SLC2A9: variants seen among roughly 807,000 people sequenced by gnomAD.
SLC2A9 encodes solute carrier family 2 member 9.
Under a neutral mutation model 50.6 loss-of-function variants are expected in SLC2A9, and 39 were observed. That is an observed-to-expected ratio of 0.77 (90% confidence interval 0.60 to 1.01). The LOEUF is 1.01. Ranked by LOEUF, SLC2A9 falls within the 50% of genes least tolerant of loss-of-function variation. SLC2A9 has a pLI of 0.00. For synonymous variants in SLC2A9, 324 were observed against 276.9 expected, an observed-to-expected ratio of 1.17 and a Z score of -1.69; for missense variants, 686 against 677.6, an observed-to-expected ratio of 1.01 and a Z score of -0.14.
At chr4:9,964,945 C>G (rs1051613640) in intron 5 of SLC2A9, among the ~76,000 whole-genome samples, 2 of 152,152 alleles carry the variant, frequency 1.3e-5, no homozygotes, top group Admixed American at 1.3e-4. Flanking sequence ...TAATTATCAC[C>G]CCGCTCTGAG....
upstream of SLC2A9, chr4:10,025,848 C>T (rs575005391): frequency 2.6e-6 from 4 of 1,537,890 alleles, no homozygotes; most frequent in African/African-American, 2.7e-5. Context: ...AGGGGTACTA[C>T]CCCCTGGGTG....
chr4:9,936,975 G>C (rs556863432), intron 6 of SLC2A9, among the ~76,000 whole-genome samples: 92 of 152,320 alleles, frequency 6.0e-4, no homozygotes, highest in Non-Finnish European at 1.1e-3. Flanking sequence ...GGGATGCTCT[G>C]AATGGTAAAG....
At chr4:9,819,117 A>G (rs867179361) in intron 3 of SLC2A9, among the ~76,000 whole-genome samples, 28 of 81,540 alleles carry the variant, frequency 3.4e-4, no homozygotes, top group Middle Eastern at 5.5e-3. Flanking sequence ...AGACTGTCTC[A>G]AAAAAAAAAA....
At chr4:9,806,651 C>T (rs181312558) in intron 3 of SLC2A9, among the ~76,000 whole-genome samples, 2 of 152,262 alleles carry the variant, frequency 1.3e-5, no homozygotes, top group African/African-American at 2.4e-5. Flanking sequence ...GAGCCCTCCC[C>T]TTGGAATAAA....
At chr4:9,834,791 G>T in intron 11 of SLC2A9, 90 bp downstream of exon 11, 1 of 1,578,686 alleles carries the variant, frequency 6.3e-7, no homozygotes, top group Non-Finnish European at 8.7e-7. Context: ...GTTGAGAGGA[G>T]AGAGATCAAC....
intron 3 of SLC2A9, among the ~76,000 whole-genome samples, chr4:9,791,340 G>A (rs193268590): frequency 6.6e-6 from 1 of 152,324 alleles, no homozygotes; most frequent in Non-Finnish European, 1.5e-5. Flanking sequence ...ACCATTTAAT[G>A]CTAGGTGTAT....
chr4:9,811,508 G>C (rs1483853819), intron 3 of SLC2A9, among the ~76,000 whole-genome samples: 1 of 152,166 alleles, frequency 6.6e-6, no homozygotes, highest in South Asian at 2.1e-4. Flanking sequence ...ATTGAGAGAA[G>C]AGAAAGAGGG....
chr4:9,849,789 A>G (rs913136235), intron 10 of SLC2A9, among the ~76,000 whole-genome samples: 2 of 152,336 alleles, frequency 1.3e-5, no homozygotes, highest in East Asian at 3.9e-4. Context: ...TGGTGAGTTA[A>G]GCACACTCAG....
chr4:10,017,831 C>G (rs1025563366), intron 2 of SLC2A9, among the ~76,000 whole-genome samples: 10 of 152,298 alleles, frequency 6.6e-5, no homozygotes, highest in Admixed American at 5.9e-4. Flanking sequence ...CTCCAAGAAC[C>G]TGGAGCTCCC....
At chr4:9,989,792 G>A (rs1264096230) in intron 3 of SLC2A9, among the ~76,000 whole-genome samples, 1 of 151,912 alleles carries the variant, frequency 6.6e-6, no homozygotes, top group South Asian at 2.1e-4. Flanking sequence ...AGCTTCCTAT[G>A]ATTATCTCTA....
At chr4:9,908,517 CT>C (rs897523269) in intron 7 of SLC2A9, among the ~76,000 whole-genome samples, 172 bp from the exon 8 acceptor site, 1 of 151,022 alleles carries the variant, frequency 6.6e-6, no homozygotes, top group African/African-American at 2.4e-5. Flanking sequence ...TTCTTCATTA[CT>C]TTTTTTCCTT....
chr4:10,037,830 A>G (rs1461402074), intron 1 of SLC2A9, among the ~76,000 whole-genome samples: 14 of 152,164 alleles, frequency 9.2e-5, no homozygotes, highest in Admixed American at 9.2e-4. Flanking sequence ...GCATGCCTGT[A>G]ATCTCAGCTA....
In SLC2A9 at chr4:9,835,132, G is replaced by A. The variant is rs1002573982; in HGVS notation, c.1292-124C>T. The A allele has an allele frequency of 3.6e-6, 5 of 1,397,168 alleles. No homozygotes were observed. In the Admixed American group the frequency reaches 7.4e-5, roughly 21 times the overall value. The allele number at this position is 1,397,168 out of a possible 1,614,324, so 86.5% of individuals were successfully genotyped here. ...TGCCCCTTGACTGGATGTGTAGTGGGCCCCAGTTCCTGAGTCGCCCTGGTG... is the reference window on the plus strand; with the variant it reads ...TGCCCCTTGACTGGATGTGTAGTGGACCCCAGTTCCTGAGTCGCCCTGGTG... On this transcript the variant is annotated intron_variant, in intron 10 of 11. Transcript: ENST00000264784.
intron 7 of SLC2A9, among the ~76,000 whole-genome samples, chr4:9,909,775 T>C (rs1186476079): frequency 6.6e-6 from 1 of 152,222 alleles, no homozygotes; most frequent in Non-Finnish European, 1.5e-5. Context: ...AACCACATTG[T>C]CCTAACTGAT....
At chr4:9,917,309 A>C (rs1302988855) in intron 7 of SLC2A9, among the ~76,000 whole-genome samples, 1 of 150,054 alleles carries the variant, frequency 6.7e-6, no homozygotes, top group Non-Finnish European at 1.5e-5. Flanking sequence ...CCAACTTTTG[A>C]ATAATTTCTT....
At chr4:9,926,728 A>C (rs1413805138) in intron 6 of SLC2A9, among the ~76,000 whole-genome samples, 2 of 152,148 alleles carry the variant, frequency 1.3e-5, no homozygotes, top group Non-Finnish European at 2.9e-5. Context: ...TTACTTGGAA[A>C]TAAGACCTTT....
intron 6 of SLC2A9, 94 bp downstream of exon 6, chr4:9,941,819 C>T (rs1279201577): frequency 1.9e-6 from 3 of 1,558,116 alleles, no homozygotes; most frequent in Non-Finnish European, 2.6e-6. Flanking sequence ...ATGACAACAC[C>T]CCTTCCTGTG....
chr4:9,833,372 T>C (rs1726500415), intron 11 of SLC2A9, among the ~76,000 whole-genome samples: 1 of 152,152 alleles, frequency 6.6e-6, no homozygotes, highest in South Asian at 2.1e-4. Flanking sequence ...CTGTAGCAAG[T>C]GATGGATGGA....
intron 5 of SLC2A9, among the ~76,000 whole-genome samples, chr4:9,975,175 C>T (rs1034572342): frequency 6.6e-6 from 1 of 152,156 alleles, no homozygotes; most frequent in Non-Finnish European, 1.5e-5. Flanking sequence ...TAGGAAATAT[C>T]ATTCTGGACA....
Sources: allele counts gnomAD v4.1 joint callset (sites outside exome capture counted in the v4.1 genomes callset), GRCh38; gene constraint gnomAD v4.1.1; transcripts MANE v1.5; gene names NCBI Gene and HGNC (gene_info 2026-07-23, HGNC 2026-07-21).